The following SLC5A3 variants were observed in gnomAD, a reference collection of about 807,000 sequenced individuals.
The protein encoded by SLC5A3 is sodium/myo-inositol cotransporter.
Under a neutral mutation model 43.2 loss-of-function variants are expected in SLC5A3, and 10 were observed. That is an observed-to-expected ratio of 0.23 (90% CI 0.14 to 0.39). SLC5A3 has a LOEUF of 0.39. SLC5A3 is among the 10% of genes least tolerant of loss of function. The pLI is 1.00. For synonymous variants in SLC5A3, 349 were observed against 322.0 expected (o/e 1.08, Z -0.90); for missense variants, 608 against 893.4 (o/e 0.68, Z 4.07).
chr21:34,104,847 ATAGT>A lies in SLC5A3; in HGVS notation c.*7494_*7497del, dbSNP rs1434503442. ...ACCTTTACATGTTTTTAAATTTAAGATAGTTTGTAAGAACTGTACAAAAAAATGC... is the reference window on the plus strand; with the variant it reads ...ACCTTTACATGTTTTTAAATTTAAGATTGTAAGAACTGTACAAAAAAATGC... On this transcript the variant is annotated 3_prime_UTR_variant, in exon 2 of 2. Transcript: ENST00000381151. 5 of 999,930 alleles carry A rather than the reference ATAGT, an allele frequency of 5.0e-6. No homozygotes were observed. Among genetic ancestry groups the A allele is most frequent in the African/African-American group, 3.5e-5 (2 of 57,242 alleles). 61.9% of individuals were successfully genotyped at this position (999,930 alleles called of 1,614,324 possible).
At chr21:34,076,438 A>G (rs1430867324) in intron 1 of SLC5A3, among the ~76,000 whole-genome samples, 1 of 152,236 alleles carries the variant, frequency 6.6e-6, no homozygotes, top group Non-Finnish European at 1.5e-5. Context: ...ATGTAGAGTC[A>G]GTCATATTGA....
rs1978648259 is a variant in SLC5A3, at chr21:34,090,851, TA to T, written c.-336-4007del. ...GTGACGGAGCATGGAACCCAGCCCT[TA>T]AAAACTGTGCTGTTTTCTTCTGTAC... On this transcript the variant is annotated intron_variant, in intron 1 of 1. Transcript: ENST00000381151. Among the ~76,000 whole-genome samples, 3 of 152,312 alleles carry T rather than the reference TA, an allele frequency of 2.0e-5. No homozygotes were observed. In the South Asian group the frequency reaches 6.2e-4, roughly 32 times the overall value.
chr21:34,073,689 G>T lies in SLC5A3; in HGVS notation c.-393G>T. ...GGCTGGCTTCCGAGCCGCACTCGCCGATCCTCCAGGCATGCCCCGCTACGA... is the reference window on the plus strand; with the variant it reads ...GGCTGGCTTCCGAGCCGCACTCGCCTATCCTCCAGGCATGCCCCGCTACGA... On this transcript the variant is annotated 5_prime_UTR_variant, in exon 1 of 2. Transcript: ENST00000381151. 1.3e-6 allele frequency: 2 copies of T among 1,518,340 alleles called. No individual in the cohort carries two copies. The allele number at this position is 1,518,340 out of a possible 1,614,324, so 94.1% of individuals were successfully genotyped here.
rs1245329674 is a variant in SLC5A3 at position 34,097,060 on chromosome 21, A to T, written c.1862A>T (p.His621Leu). 4 of 1,614,146 alleles carry T rather than the reference A, an allele frequency of 2.5e-6. No homozygotes were observed. Among genetic ancestry groups the T allele is most frequent in the Non-Finnish European group, 2.5e-6 (3 of 1,179,984 alleles). ...GGCAACCCAGTGGCATCCTTAGGTC[A>T]TTCAGAGGCAGAAACACCAGTTGAC... ...EEGNPVASLG[H>L]SEAETPVDAY... is the part of the protein sequence containing the mutation. Residue 621 changes from histidine (H) to leucine (L), a missense_variant, in exon 2 of 2, where the codon CAT becomes CTT. His to Leu is a moderately conservative substitution (Grantham distance 99). Around this residue, in one of 2 missense-constraint regions of SLC5A3, gnomAD observed 210 missense variants for 224.8 expected, o/e 0.93. Transcript: ENST00000381151.
At position 34,101,120 on chromosome 21, in the gene SLC5A3, C is replaced by A; in HGVS notation, c.*3765C>A. The A allele has an allele frequency of 1.0e-6, 1 of 999,964 alleles. No individual in the cohort carries two copies. The highest frequency in any genetic ancestry group is 6.2e-5 in the Admixed American group (1 of 16,250). The allele number at this position is 999,964 out of a possible 1,614,324, so 61.9% of individuals were successfully genotyped here. On this transcript the variant is annotated 3_prime_UTR_variant, in exon 2 of 2. Coordinates refer to ENST00000381151, the MANE Select transcript of SLC5A3 (RefSeq NM_006933.7). ...CAGAGACTTGCCAGGACAAAATTTT[C>A]CTAAGAAATCAGAAAAATGATTAAG...
chr21:34,100,548 A>G lies in SLC5A3; in HGVS notation c.*3193A>G, dbSNP rs28570507. The G allele has an allele frequency of 0.036, 35,696 of 1,000,180 alleles. 703 individuals carry two copies. The highest frequency in any genetic ancestry group is 0.039 in the Non-Finnish European group (32,072 of 829,952). The allele number at this position is 1,000,180 out of a possible 1,614,324, so 62.0% of individuals were successfully genotyped here. A position where few individuals can be genotyped will look rare whatever the true frequency, so the allele number is the denominator to read the frequency against. The stretch of plus-strand genomic sequence containing the variant: ...CCTTTTCACTTGGCTCAAAGGATCC[A>G]TTGTATTTTGGCACAAAGAGCCTGG... On this transcript the variant is annotated 3_prime_UTR_variant, in exon 2 of 2. Coordinates refer to ENST00000381151, the MANE Select transcript of SLC5A3 (RefSeq NM_006933.7).
chr21:34,103,025 A>T lies in SLC5A3; in HGVS notation c.*5670A>T. On this transcript the variant is annotated 3_prime_UTR_variant, in exon 2 of 2. Transcript: ENST00000381151. Reference sequence around the variant, plus strand: ...ACAGAGTAGTCTAGATAAGTTTTCAATTTATCAACATAGCCTAGACTTCTG... The same window carrying T: ...ACAGAGTAGTCTAGATAAGTTTTCATTTTATCAACATAGCCTAGACTTCTG... 2.0e-6 allele frequency: 2 copies of T among 999,982 alleles called. No individual in the cohort carries two copies. The highest frequency in any genetic ancestry group is 2.4e-6 in the Non-Finnish European group (2 of 829,802). The allele number at this position is 999,982 out of a possible 1,614,324, so 61.9% of individuals were successfully genotyped here. A position where few individuals can be genotyped will look rare whatever the true frequency, so the allele number is the denominator to read the frequency against.
At position 34,097,429 on chromosome 21, in the gene SLC5A3, G is replaced by T. The variant is rs1602931528; in HGVS notation, c.*74G>T. 7.7e-7 allele frequency: 1 copy of T among 1,298,136 alleles called. No individual in the cohort carries two copies. Among genetic ancestry groups the T allele is most frequent in the Non-Finnish European group, 1.0e-6 (1 of 982,886 alleles). The allele number at this position is 1,298,136 out of a possible 1,614,324, so 80.4% of individuals were successfully genotyped here. A position where few individuals can be genotyped will look rare whatever the true frequency, so the allele number is the denominator to read the frequency against. ...TTGGGGAAAAAAGTTATGTAACTGT[G>T]CATCTCTCAGGCATTGTTTACGCTG... On this transcript the variant is annotated 3_prime_UTR_variant, in exon 2 of 2. Coordinates refer to ENST00000381151, the MANE Select transcript of SLC5A3 (RefSeq NM_006933.7).
Position 34,105,865 on chromosome 21 carries a change from A to C in SLC5A3, c.*8510A>C. On this transcript the variant is annotated 3_prime_UTR_variant, in exon 2 of 2. Coordinates refer to ENST00000381151, the MANE Select transcript of SLC5A3 (RefSeq NM_006933.7). ...TCTATATTGAAAGGAGTACAGTTGA[A>C]ATTGTAGATTTAAGATTGTTAAAAT... is the stretch of plus-strand genomic sequence containing the variant. 1.0e-6 allele frequency: 1 copy of C among 993,752 alleles called. No individual in the cohort carries two copies. The highest frequency in any genetic ancestry group is 1.7e-5 in the African/African-American group (1 of 57,268). 61.6% of individuals were successfully genotyped at this position (993,752 alleles called of 1,614,324 possible).
Position 34,103,205 on chromosome 21 carries a change from A to G in SLC5A3, c.*5850A>G. 1 of 999,952 alleles carries G rather than the reference A, an allele frequency of 1.0e-6. No individual in the cohort carries two copies. Among genetic ancestry groups the G allele is most frequent in the Non-Finnish European group, 1.2e-6 (1 of 829,880 alleles). 61.9% of individuals were successfully genotyped at this position (999,952 alleles called of 1,614,324 possible). On this transcript the variant is annotated 3_prime_UTR_variant, in exon 2 of 2. Coordinates refer to ENST00000381151, the MANE Select transcript of SLC5A3 (RefSeq NM_006933.7). ...CTTTTGAAATTTATGTGTTTGGATTAGTGCCTTCTGGTTACCAGTATTGAC... is the reference window on the plus strand; with the variant it reads ...CTTTTGAAATTTATGTGTTTGGATTGGTGCCTTCTGGTTACCAGTATTGAC...
At chr21:34,075,709 A>G (rs565838588) in intron 1 of SLC5A3, among the ~76,000 whole-genome samples, 2 of 152,364 alleles carry the variant, frequency 1.3e-5, no homozygotes, top group South Asian at 4.1e-4. Context: ...ATATTAAACA[A>G]TAGCTTCTCA....
chr21:34,080,887 A>G, intron 1 of SLC5A3, among the ~76,000 whole-genome samples: 1 of 152,358 alleles, frequency 6.6e-6, no homozygotes, highest in East Asian at 1.9e-4. Context: ...AAGTCAGTGC[A>G]CTTCGCTCAC....
At position 34,096,297 on chromosome 21, in the gene SLC5A3, A is replaced by G. The variant is rs1453698963; in HGVS notation, c.1099A>G (p.Met367Val). The change falls in exon 2 of 2, where the codon ATG (methionine) becomes GTG (valine). Residue 367 changes from methionine (M) to valine (V), a missense_variant. Met to Val is a conservative substitution (Grantham distance 21). This residue lies in a region of SLC5A3 where 398 missense variants were observed against 668.6 expected (regional missense o/e 0.60). Coordinates refer to ENST00000381151, the MANE Select transcript of SLC5A3 (RefSeq NM_006933.7). This position sits in a 1 kb window ranked among gnomAD's most constrained non-coding sequence, Gnocchi z 5.9. ...KLVPVGLRGLMMAVMIAALMS... is the reference protein window; with the variant it reads ...KLVPVGLRGLVMAVMIAALMS... ...GGTTCCTGTGGGCCTTCGGGGTTTA[A>G]TGATGGCAGTGATGATTGCAGCTCT... 1 of 1,614,132 alleles carries G rather than the reference A, an allele frequency of 6.2e-7. No individual in the cohort carries two copies. The highest frequency in any genetic ancestry group is 8.5e-7 in the Non-Finnish European group (1 of 1,180,016).
At chr21:34,094,741 A>AT (rs151247109) in intron 1 of SLC5A3, 122 bp from the exon 2 acceptor site, 151,138 of 153,106 alleles carry the variant, frequency 0.99, 74,629 homozygotes, top group Non-Finnish European at 1. Context: ...TATTAAAAAA[A>AT]TTTTTTTTCT....
In SLC5A3 at chr21:34,104,543, T is replaced by G. The variant is rs1979393729; in HGVS notation, c.*7188T>G. 1 of 998,614 alleles carries G rather than the reference T, an allele frequency of 1.0e-6. No homozygotes were observed. Among genetic ancestry groups the G allele is most frequent in the African/African-American group, 1.7e-5 (1 of 57,310 alleles). 61.9% of individuals were successfully genotyped at this position (998,614 alleles called of 1,614,324 possible). ...GAAAGACTTGGTCAACTCTAATATA[T>G]CTAGAAGGAAGACTATATCTGGTGT... On this transcript the variant is annotated 3_prime_UTR_variant, in exon 2 of 2. Transcript: ENST00000381151.
In SLC5A3 at chr21:34,100,468, G is replaced by GTA; in HGVS notation, c.*3113_*3114insTA. Reference sequence around the variant, plus strand: ...TAGATTAGAGAAGCATCAAGCAATAGCAATGGTGCTGTGTCCTTCGGCCTA... The same window carrying GTA: ...TAGATTAGAGAAGCATCAAGCAATAGTACAATGGTGCTGTGTCCTTCGGCCTA... On this transcript the variant is annotated 3_prime_UTR_variant, in exon 2 of 2. Transcript: ENST00000381151. 1 of 1,000,198 alleles carries GTA rather than the reference G, an allele frequency of 1.0e-6. No individual in the cohort carries two copies. Among genetic ancestry groups the GTA allele is most frequent in the Non-Finnish European group, 1.2e-6 (1 of 829,946 alleles). The allele number at this position is 1,000,198 out of a possible 1,614,324, so 62.0% of individuals were successfully genotyped here. A position where few individuals can be genotyped will look rare whatever the true frequency, so the allele number is the denominator to read the frequency against.
chr21:34,089,875 G>A (rs1391250942), intron 1 of SLC5A3, among the ~76,000 whole-genome samples: 1 of 152,188 alleles, frequency 6.6e-6, no homozygotes, highest in Non-Finnish European at 1.5e-5. Context: ...AAAGATTTAA[G>A]GGCAAATTCT....
Position 34,095,219 on chromosome 21 carries a change from A to G in SLC5A3, c.21A>G (p.Thr7=). The change falls in exon 2 of 2, where the codon ACA becomes ACG. Residue 7 remains threonine (T), a synonymous_variant. Transcript: ENST00000381151. ...CCAGAATGAGAGCTGTACTGGACAC[A>G]GCAGACATTGCCATAGTGGCCCTGT... MRAVLD[T]ADIAIVALYF... 2 of 1,612,454 alleles carry G rather than the reference A, an allele frequency of 1.2e-6. No individual in the cohort carries two copies. Among genetic ancestry groups the G allele is most frequent in the Non-Finnish European group, 1.7e-6 (2 of 1,178,998 alleles).
chr21:34,073,901 A>C (rs926740778), intron 1 of SLC5A3, among the ~76,000 whole-genome samples, 156 bp downstream of exon 1: 3 of 142,878 alleles, frequency 2.1e-5, no homozygotes, highest in East Asian at 2.1e-4. Flanking sequence ...GTCCGCGGGA[A>C]GGGGGCGCGC....
Sources: gnomAD v4.1 joint callset for allele counts (sites outside exome capture counted in the v4.1 genomes callset) on GRCh38, gnomAD v4.1.1 for gene constraint, gnomAD v4.1.1 regional missense constraint, Gnocchi (gnomAD v3.1) non-coding constraint, MANE v1.5 for transcripts, NCBI Gene and HGNC (gene_info 2026-07-23, HGNC 2026-07-21) for gene names.